ESRRG: variants seen among roughly 807,000 people sequenced by gnomAD.
ESRRG encodes estrogen related receptor gamma, also known as estrogen-related receptor gamma.
In ESRRG, 13 loss-of-function variants were observed where a neutral mutation model predicts 44.0. The ratio of observed to expected loss-of-function variants is 0.30; its 90% CI spans 0.19 to 0.47. The LOEUF (loss-of-function observed/expected upper bound fraction) is 0.47, where lower values mean the gene tolerates loss of function less well. Among genes scored for constraint, ESRRG ranks in the 20% least tolerant of loss-of-function variants. The pLI is 1.00. For missense variants in ESRRG, 395 were observed against 580.6 expected (o/e 0.68, Z 3.29); for synonymous variants, 215 against 214.6 (o/e 1.00, Z -0.02).
chr1:217,125,223 G>T (rs969007569), intron 1 of ESRRG, among the ~76,000 whole-genome samples: 3 of 152,090 alleles, frequency 2.0e-5, no homozygotes, highest in South Asian at 2.1e-4. Flanking sequence ...CAAGTGTACT[G>T]GGCCTTCCAG....
chr1:216,534,727 A>G (rs1188264711), intron 5 of ESRRG, among the ~76,000 whole-genome samples: 1 of 152,158 alleles, frequency 6.6e-6, no homozygotes, highest in Non-Finnish European at 1.5e-5. Flanking sequence ...TTTTACACAT[A>G]AATGTAAAAA....
Position 217,125,646 on chromosome 1 carries a change from A to G in ESRRG, c.-230+12021T>C, listed in dbSNP as rs912495143. Reference sequence around the variant, plus strand: ...CCCAAAGAACCAGCTTTGTAAAACTATATGATAAAAACATGGCATATCTAT... The same window carrying G: ...CCCAAAGAACCAGCTTTGTAAAACTGTATGATAAAAACATGGCATATCTAT... On this transcript the variant is annotated intron_variant, in intron 1 of 8. Coordinates refer to the ESRRG transcript ENST00000366940. Among the ~76,000 whole-genome samples, 6 of 152,330 alleles carry G rather than the reference A, an allele frequency of 3.9e-5. No individual in the cohort carries two copies. The East Asian group carries it at 1.2e-3, about 29-fold the overall frequency.
At chr1:216,773,939 A>T (rs2093486403) in intron 2 of ESRRG, among the ~76,000 whole-genome samples, 1 of 152,134 alleles carries the variant, frequency 6.6e-6, no homozygotes, top group Admixed American at 6.6e-5. Context: ...TTATAATTTT[A>T]TTATTAAAAA....
At chr1:217,053,403 C>T (rs1461329317) in intron 1 of ESRRG, among the ~76,000 whole-genome samples, 7 of 150,406 alleles carry the variant, frequency 4.7e-5, no homozygotes, top group African/African-American at 1.7e-4. Context: ...TGCAGTGAGC[C>T]GAGATTGCGC....
At chr1:216,787,060 T>G (rs1386289165) in intron 2 of ESRRG, among the ~76,000 whole-genome samples, 2 of 127,476 alleles carry the variant, frequency 1.6e-5, no homozygotes, top group African/African-American at 6.9e-5. Context: ...ACTTTCCGTC[T>G]CTGTGTCACA....
At chr1:217,133,645 CTCTTTCTTTCTTTCTT>C (rs59600886) in intron 1 of ESRRG, among the ~76,000 whole-genome samples, 1 of 91,728 alleles carries the variant, frequency 1.1e-5, no homozygotes, top group African/African-American at 4.2e-5. Flanking sequence ...CTCTCTCTCT[CTCTTTCTTTCTTTCTT>C]TCTTTCTTTC....
chr1:216,714,671 A>G, intron 1 of ESRRG: 1 of 450,314 alleles, frequency 2.2e-6, no homozygotes, highest in Non-Finnish European at 2.9e-6. Flanking sequence ...ATACAATTTG[A>G]GTTTTTAACC....
chr1:216,629,248 G>T (rs1379117547), intron 3 of ESRRG, among the ~76,000 whole-genome samples: 1 of 152,178 alleles, frequency 6.6e-6, no homozygotes, highest in Non-Finnish European at 1.5e-5. Context: ...ATGAAACCAA[G>T]ACATGAGAGA....
chr1:216,599,324 A>G (rs1279447738), intron 3 of ESRRG, among the ~76,000 whole-genome samples: 2 of 152,196 alleles, frequency 1.3e-5, no homozygotes, highest in African/African-American at 4.8e-5. Context: ...CACAACAAGA[A>G]GAACTTTACA....
chr1:216,839,052 A>G (rs2095611386), intron 2 of ESRRG, among the ~76,000 whole-genome samples: 1 of 152,168 alleles, frequency 6.6e-6, no homozygotes, highest in Admixed American at 6.5e-5. Flanking sequence ...TAAAACTTTG[A>G]AAGAAGTTTT....
At chr1:216,523,388 G>A (rs995433746) in intron 5 of ESRRG, among the ~76,000 whole-genome samples, 1 of 152,106 alleles carries the variant, frequency 6.6e-6, no homozygotes, top group Non-Finnish European at 1.5e-5. Context: ...TACCCCTGAG[G>A]TAATAGGCTT....
chr1:216,631,761 C>A (rs991699841), intron 3 of ESRRG, among the ~76,000 whole-genome samples: 4 of 152,136 alleles, frequency 2.6e-5, no homozygotes, highest in Non-Finnish European at 5.9e-5. Flanking sequence ...CACACATACA[C>A]ACATAGTAGA....
At chr1:216,783,782 G>T (rs539267340) in intron 2 of ESRRG, among the ~76,000 whole-genome samples, 1 of 151,874 alleles carries the variant, frequency 6.6e-6, no homozygotes, top group Non-Finnish European at 1.5e-5. Flanking sequence ...CTTCCCATAG[G>T]ACTCCTACTT....
chr1:216,997,946 C>A (rs1057227030), intron 1 of ESRRG, among the ~76,000 whole-genome samples: 2 of 152,264 alleles, frequency 1.3e-5, no homozygotes, highest in African/African-American at 4.8e-5. Flanking sequence ...AATGTACAAA[C>A]AATAACTCTT....
At chr1:216,578,018 T>G (rs1573406529) in intron 3 of ESRRG, among the ~76,000 whole-genome samples, 1 of 152,046 alleles carries the variant, frequency 6.6e-6, no homozygotes, top group East Asian at 1.9e-4. Flanking sequence ...TGTCAATTAT[T>G]AGATACCAAA....
At chr1:217,125,766 G>T (rs569877092) in intron 1 of ESRRG, among the ~76,000 whole-genome samples, 2 of 152,170 alleles carry the variant, frequency 1.3e-5, no homozygotes, top group South Asian at 2.1e-4. Flanking sequence ...AAATATGTTG[G>T]TATTTATTAT....
chr1:216,545,691 T>C lies in ESRRG; in HGVS notation c.862+18528A>G, dbSNP rs1234621275. Among the ~76,000 whole-genome samples the C allele has an allele frequency of 3.3e-5, 5 of 152,212 alleles. No homozygotes were observed. The East Asian group carries it at 9.7e-4, about 30-fold the overall frequency. ...AATGCATGCTGTTTACTCGATGTGC[T>C]ACAATGGCCTCTTTCTCCCCATTAT... On this transcript the variant is annotated intron_variant, in intron 5 of 6. Transcript: ENST00000408911.
chr1:217,045,332 C>A (rs756162575), intron 1 of ESRRG, among the ~76,000 whole-genome samples: 2 of 152,182 alleles, frequency 1.3e-5, no homozygotes, highest in Admixed American at 6.5e-5. Flanking sequence ...GTTCAGGAAC[C>A]AGGAAACCAT....
At chr1:216,708,255 T>G (rs2082833689) in intron 1 of ESRRG, among the ~76,000 whole-genome samples, 1 of 151,996 alleles carries the variant, frequency 6.6e-6, no homozygotes, top group Non-Finnish European at 1.5e-5. Context: ...ATGAAGAAAC[T>G]AGTATGTAAT....
Sources: gnomAD v4.1 joint callset for allele counts (sites outside exome capture counted in the v4.1 genomes callset) on GRCh38, gnomAD v4.1.1 for gene constraint, MANE v1.5 for transcripts, NCBI Gene and HGNC (gene_info 2026-07-23, HGNC 2026-07-21) for gene names.